The following FBXO28 variants were observed in gnomAD, a reference collection of about 807,000 sequenced individuals.
FBXO28 encodes the protein F-box only protein 28.
A neutral mutation model predicts 38.1 loss-of-function variants in FBXO28; 8 were observed. That is an observed-to-expected ratio of 0.21 (90% CI 0.12 to 0.38). The LOEUF is 0.38. Ranked by LOEUF, FBXO28 falls within the 10% of genes least tolerant of loss-of-function variation. The pLI is 1.00. For missense variants in FBXO28, 345 were observed against 460.6 expected (o/e 0.75, Z 2.30); for synonymous variants, 168 against 173.8 (o/e 0.97, Z 0.26).
chr1:224,119,426 C>T (rs1231119368), intron 1 of FBXO28, among the ~76,000 whole-genome samples: 4 of 151,946 alleles, frequency 2.6e-5, no homozygotes, highest in East Asian at 3.9e-4. Context: ...CATGAGCCAC[C>T]GTGCCCGGCC....
At chr1:224,114,639 C>T (rs1225589714) in intron 1 of FBXO28, among the ~76,000 whole-genome samples, 1 of 90,964 alleles carries the variant, frequency 1.1e-5, no homozygotes, top group Non-Finnish European at 2.4e-5. Flanking sequence ...TTGGGGGCTC[C>T]TTGCCCCCCG....
intron 1 of FBXO28, among the ~76,000 whole-genome samples, chr1:224,122,244 T>C (rs1204817319): frequency 6.6e-6 from 1 of 152,318 alleles, no homozygotes; most frequent in Non-Finnish European, 1.5e-5. Context: ...GATTTTTTCG[T>C]CCATCATTAA....
chr1:224,135,527 G>A (rs962799932), intron 3 of FBXO28, among the ~76,000 whole-genome samples: 7 of 144,354 alleles, frequency 4.8e-5, no homozygotes, highest in African/African-American at 1.6e-4. Context: ...CAGAAGAATC[G>A]CTTGAACCCG....
chr1:224,116,392 A>G (rs538712279), intron 1 of FBXO28, among the ~76,000 whole-genome samples: 1 of 152,164 alleles, frequency 6.6e-6, no homozygotes, highest in Non-Finnish European at 1.5e-5. Flanking sequence ...TGAGCTGTAC[A>G]TGCCTTCTTA....
intron 3 of FBXO28, among the ~76,000 whole-genome samples, chr1:224,137,147 T>C (rs1462917333): frequency 1.3e-5 from 2 of 151,946 alleles, no homozygotes; most frequent in African/African-American, 2.4e-5. Flanking sequence ...GTAAGCATTT[T>C]ATTCACTTAA....
In FBXO28 at chr1:224,130,584, A is replaced by T; in HGVS notation, c.377+3A>T. 6.3e-7 allele frequency: 1 copy of T among 1,580,152 alleles called. No individual in the cohort carries two copies. Among genetic ancestry groups the T allele is most frequent in the African/African-American group, 1.3e-5 (1 of 74,388 alleles). ...CAAGTTAAAGCACAACTCCCAAGGT[A>T]TGTTGTGGGTGGCAATGACAATGAT... On this transcript the variant is annotated splice_donor_region_variant and intron_variant, in intron 2 of 4. Transcript: ENST00000366862.
At chr1:224,154,157 A>G (rs1657712858) in intron 4 of FBXO28, among the ~76,000 whole-genome samples, 1 of 152,252 alleles carries the variant, frequency 6.6e-6, no homozygotes, top group Non-Finnish European at 1.5e-5. Flanking sequence ...CGAACATCAT[A>G]GCTTAGCCTA....
chr1:224,127,069 T>G lies in FBXO28; in HGVS notation c.268-3403T>G, dbSNP rs546562172. Among the ~76,000 whole-genome samples the G allele has an allele frequency of 2.0e-5, 3 of 152,110 alleles. No individual in the cohort carries two copies. In the East Asian group the frequency reaches 5.8e-4, roughly 29 times the overall value. The stretch of plus-strand genomic sequence containing the variant: ...GTACTGGTGTTTGTGGTCATGTGAT[T>G]ATTCAGGACTGGGGCACTGGTTCTC... On this transcript the variant is annotated intron_variant, in intron 1 of 4. Coordinates refer to ENST00000366862, the MANE Select transcript of FBXO28 (RefSeq NM_015176.4).
At chr1:224,133,084 G>A (rs1657093041) in intron 2 of FBXO28, among the ~76,000 whole-genome samples, 1 of 152,158 alleles carries the variant, frequency 6.6e-6, no homozygotes, top group African/African-American at 2.4e-5. Flanking sequence ...CAACAAGAAT[G>A]AACCTGGAAA....
rs1558192782 is a variant in FBXO28 at position 224,139,768 on chromosome 1, A to ATGCATG, written c.516+5556_516+5557insTGCATG. 9.3e-4 allele frequency among the ~76,000 whole-genome samples: 7 copies of ATGCATG among 7,496 alleles called. No homozygotes were observed. In the East Asian group the frequency reaches 0.012, roughly 12 times the overall value. 4.9% of individuals were successfully genotyped at this position (7,496 alleles called of 152,430 possible). On this transcript the variant is annotated intron_variant, in intron 3 of 4. Coordinates refer to ENST00000366862, the MANE Select transcript of FBXO28 (RefSeq NM_015176.4). ...TAAATACATACATGCATGCATGCAT[A>ATGCATG]CATACATACATACATACATACATAC...
chr1:224,142,505 G>A (rs972261062), intron 3 of FBXO28, among the ~76,000 whole-genome samples: 2 of 151,406 alleles, frequency 1.3e-5, no homozygotes, highest in Non-Finnish European at 2.9e-5. Flanking sequence ...ATGTCGTTTC[G>A]TTATAATATT....
intron 3 of FBXO28, among the ~76,000 whole-genome samples, chr1:224,138,299 A>T (rs565643530): frequency 4.0e-5 from 6 of 151,836 alleles, no homozygotes; most frequent in Admixed American, 6.6e-5. Context: ...TTTTTTTGGT[A>T]AAAGGCCAGT....
In FBXO28 at chr1:224,161,455, T is replaced by A. The variant is rs1657905163; in HGVS notation, c.*3709T>A. On this transcript the variant is annotated 3_prime_UTR_variant, in exon 5 of 5. Transcript: ENST00000366862. ...GCTGATTTCTGATATGAAACCCAAC[T>A]TGATACACTGTTTGGTTCTTTGACT... is the stretch of plus-strand genomic sequence containing the variant. 1 of 152,216 alleles carries A rather than the reference T, an allele frequency of 6.6e-6. No homozygotes were observed. The highest frequency in any genetic ancestry group is 1.5e-5 in the Non-Finnish European group (1 of 68,034). The allele number at this position is 152,216 out of a possible 1,614,324, so 9.4% of individuals were successfully genotyped here.
At chr1:224,144,007 C>G (rs1657434890) in intron 3 of FBXO28, among the ~76,000 whole-genome samples, 1 of 151,642 alleles carries the variant, frequency 6.6e-6, no homozygotes, top group Non-Finnish European at 1.5e-5. Flanking sequence ...AAAATTTAGC[C>G]AGGCATGGTG....
intron 3 of FBXO28, among the ~76,000 whole-genome samples, chr1:224,137,667 T>A (rs555954673): frequency 6.6e-6 from 1 of 151,928 alleles, no homozygotes; most frequent in South Asian, 2.1e-4. Flanking sequence ...GAAAGTTAAA[T>A]CCTACACTGA....
rs1157288241 is a variant in FBXO28, at chr1:224,160,483, AAG to A, written c.*2741_*2742del. On this transcript the variant is annotated 3_prime_UTR_variant, in exon 5 of 5. Transcript: ENST00000366862. ...GATAGCAATGTGAAAAGGCATGCCT[AAG>A]AGACAGAAACGGCTGACCTTACCCC... 3 of 152,162 alleles carry A rather than the reference AAG, an allele frequency of 2.0e-5. No homozygotes were observed. Among genetic ancestry groups the A allele is most frequent in the African/African-American group, 7.2e-5 (3 of 41,426 alleles). 9.4% of individuals were successfully genotyped at this position (152,162 alleles called of 1,614,324 possible).
rs188159117 is a variant in FBXO28 at position 224,125,438 on chromosome 1, T to G, written c.268-5034T>G. ...AGGCCTTTTTCTCTTATCTTTCACT[T>G]CATTTGGGGTTCATGTACATTTATT... On this transcript the variant is annotated intron_variant, in intron 1 of 4. Transcript: ENST00000366862. Among the ~76,000 whole-genome samples, 20 of 152,260 alleles carry G rather than the reference T, an allele frequency of 1.3e-4. No homozygotes were observed. The East Asian group carries it at 3.9e-3, about 29-fold the overall frequency.
chr1:224,140,084 T>A (rs993099275), intron 3 of FBXO28, among the ~76,000 whole-genome samples: 10 of 152,136 alleles, frequency 6.6e-5, no homozygotes, highest in Admixed American at 6.5e-4. Flanking sequence ...GAGCAAGATC[T>A]TGTCTCAAGA....
chr1:224,156,802 A>G (rs966138785), intron 4 of FBXO28, among the ~76,000 whole-genome samples: 1 of 152,190 alleles, frequency 6.6e-6, no homozygotes, highest in Non-Finnish European at 1.5e-5. Flanking sequence ...GATCCACACC[A>G]TCCTGGCTAA....
Sources: allele counts gnomAD v4.1 joint callset (sites outside exome capture counted in the v4.1 genomes callset), GRCh38; gene constraint gnomAD v4.1.1; transcripts MANE v1.5; gene names NCBI Gene and HGNC (gene_info 2026-07-23, HGNC 2026-07-21).